The following SLC5A1 variants were observed in gnomAD, a reference collection of about 807,000 sequenced individuals.
SLC5A1 encodes sodium/glucose cotransporter 1.
In SLC5A1, 42 loss-of-function variants were observed where a neutral mutation model predicts 73.5. That is an observed-to-expected ratio of 0.57 (90% CI 0.45 to 0.74). The LOEUF (loss-of-function observed/expected upper bound fraction) is 0.74. Ranked by LOEUF, SLC5A1 falls within the 30% of genes least tolerant of loss-of-function variation. The pLI is 0.00. For missense variants in SLC5A1, 634 were observed against 855.4 expected (o/e 0.74, Z 3.23); for synonymous variants, 300 against 317.4 (o/e 0.95, Z 0.58).
rs869158260 is a variant in SLC5A1 at position 32,099,084 on chromosome 22, CAAAAAAA to C, written c.1281-83_1281-77del. ...TGGGTGACAGAGCAAGACTCTGTCT[CAAAAAAA>C]AAAAAAAAAAAAAAATATATATATA... On this transcript the variant is annotated intron_variant, in intron 11 of 14. Coordinates refer to ENST00000266088, the MANE Select transcript of SLC5A1 (RefSeq NM_000343.4). The C allele has an allele frequency of 4.9e-3, 454 of 92,196 alleles. 2 individuals carry two copies. The highest frequency in any genetic ancestry group is 8.5e-3 in the Admixed American group (41 of 4,830). 5.7% of individuals were successfully genotyped at this position (92,196 alleles called of 1,614,324 possible).
chr22:32,056,771 AAT>A (rs2093952549), intron 2 of SLC5A1, among the ~76,000 whole-genome samples: 1 of 152,086 alleles, frequency 6.6e-6, no homozygotes, highest in Non-Finnish European at 1.5e-5. Flanking sequence ...AACAAAGAAA[AAT>A]GTTTCCTGAA....
chr22:32,085,840 G>C (rs769782566), intron 9 of SLC5A1, among the ~76,000 whole-genome samples: 37 of 152,108 alleles, frequency 2.4e-4, no homozygotes, highest in Non-Finnish European at 5.0e-4. Flanking sequence ...TTGAAACCTT[G>C]TTTTAAGAAG....
intron 11 of SLC5A1, among the ~76,000 whole-genome samples, chr22:32,093,532 G>A (rs543668376): frequency 1.3e-5 from 2 of 151,264 alleles, no homozygotes; most frequent in South Asian, 2.1e-4. Context: ...CCTTGGTTAG[G>A]TATATTCCTA....
intron 2 of SLC5A1, among the ~76,000 whole-genome samples, chr22:32,054,950 C>T (rs1166442169): frequency 6.6e-6 from 1 of 152,140 alleles, no homozygotes; most frequent in Non-Finnish European, 1.5e-5. Context: ...GCTGGGATTA[C>T]AGGTGTGAGC....
intron 10 of SLC5A1, among the ~76,000 whole-genome samples, chr22:32,088,475 T>A (rs1160410947): frequency 1.3e-5 from 2 of 152,012 alleles, no homozygotes; most frequent in Non-Finnish European, 2.9e-5. Flanking sequence ...TAGCTGGGAT[T>A]ACAGGCACCT....
chr22:32,055,986 C>T (rs1035979599), intron 2 of SLC5A1, among the ~76,000 whole-genome samples: 4 of 152,160 alleles, frequency 2.6e-5, no homozygotes, highest in South Asian at 2.1e-4. Context: ...GAATCACAAA[C>T]GCTAGCAAAT....
intron 4 of SLC5A1, 86 bp from the exon 5 acceptor site, chr22:32,068,410 T>G: frequency 1.1e-6 from 1 of 893,172 alleles, no homozygotes; most frequent in Non-Finnish European, 1.9e-6. Context: ...TCTGTGGCTC[T>G]GATATTAGGA....
intron 9 of SLC5A1, among the ~76,000 whole-genome samples, chr22:32,085,731 G>C (rs1214655600): frequency 1.3e-5 from 2 of 151,978 alleles, no homozygotes; most frequent in Non-Finnish European, 1.5e-5. Context: ...GAGCTCATCA[G>C]TGTGTCAGGG....
intron 10 of SLC5A1, among the ~76,000 whole-genome samples, 164 bp downstream of exon 10, chr22:32,086,491 C>T (rs1014868956): frequency 6.6e-5 from 10 of 152,282 alleles, no homozygotes; most frequent in Middle Eastern, 3.4e-3. Context: ...GACATGTCCT[C>T]TCTCAGTGGG....
At position 32,084,563 on chromosome 22, in the gene SLC5A1, C is replaced by G; in HGVS notation, c.789C>G (p.Phe263Leu). ...EKCYTPRADS[F>L]HIFRDPLTGD... ...GCTACACTCCAAGGGCCGACTCCTT[C>G]CACATCTTCCGAGATCCCCTCACGG... is the stretch of plus-strand genomic sequence containing the variant. Residue 263 changes from phenylalanine to leucine, a missense_variant, in exon 8 of 15, where the codon TTC becomes TTG. By Grantham distance (22) the Phe-to-Leu change is conservative (BLOSUM62 0). Coordinates refer to ENST00000266088, the MANE Select transcript of SLC5A1 (RefSeq NM_000343.4). The G allele has an allele frequency of 6.2e-7, 1 of 1,614,250 alleles. No individual in the cohort carries two copies. Among genetic ancestry groups the G allele is most frequent in the Admixed American group, 1.7e-5 (1 of 60,028 alleles).
intron 11 of SLC5A1, among the ~76,000 whole-genome samples, chr22:32,097,792 C>G (rs2094028729): frequency 6.6e-6 from 1 of 152,070 alleles, no homozygotes; most frequent in Middle Eastern, 3.4e-3. Flanking sequence ...CTTTTTTTAT[C>G]GGAATTTAAA....
intron 6 of SLC5A1, among the ~76,000 whole-genome samples, chr22:32,082,582 T>C (rs2094001740): frequency 6.6e-6 from 1 of 151,932 alleles, no homozygotes; most frequent in South Asian, 2.1e-4. Context: ...GGTGCATAAA[T>C]AGCAATTGGG....
At chr22:32,053,550 A>T (rs768483115) in intron 2 of SLC5A1, among the ~76,000 whole-genome samples, 1 of 152,132 alleles carries the variant, frequency 6.6e-6, no homozygotes, top group Non-Finnish European at 1.5e-5. Context: ...GTTTCTAGGC[A>T]TCAATTGATT....
chr22:32,097,116 A>C (rs1351287491), intron 11 of SLC5A1, among the ~76,000 whole-genome samples: 1 of 152,220 alleles, frequency 6.6e-6, no homozygotes, highest in Non-Finnish European at 1.5e-5. Flanking sequence ...TGGCCCTGAG[A>C]CTATGTTGGG....
At chr22:32,060,758 C>T (rs550352410) in intron 2 of SLC5A1, among the ~76,000 whole-genome samples, 164 of 151,968 alleles carry the variant, frequency 1.1e-3, no homozygotes, top group African/African-American at 3.4e-3. Context: ...TTTGTAGAGA[C>T]GGGGTCTCGC....
intron 1 of SLC5A1, among the ~76,000 whole-genome samples, chr22:32,044,858 G>T (rs899527280): frequency 1.3e-5 from 2 of 151,990 alleles, no homozygotes; most frequent in African/African-American, 4.8e-5. Context: ...AACTACTATT[G>T]TCATTTACCT....
intron 14 of SLC5A1, among the ~76,000 whole-genome samples, chr22:32,105,769 A>C (rs534498853): frequency 6.6e-6 from 1 of 151,982 alleles, no homozygotes; most frequent in South Asian, 2.1e-4. Flanking sequence ...CCATCTTTCT[A>C]CTTTCTATGT....
At chr22:32,048,033 T>G (rs1018528924) in intron 1 of SLC5A1, among the ~76,000 whole-genome samples, 1 of 151,456 alleles carries the variant, frequency 6.6e-6, no homozygotes, top group African/African-American at 2.4e-5. Flanking sequence ...GTGCCTGTAC[T>G]CCCATCTACT....
At chr22:32,044,058 C>T (rs959161447) in intron 1 of SLC5A1, among the ~76,000 whole-genome samples, 5 of 152,138 alleles carry the variant, frequency 3.3e-5, no homozygotes, top group African/African-American at 1.2e-4. Flanking sequence ...ATGTGTGTGT[C>T]TCCTTTTGGG....
Sources: allele counts gnomAD v4.1 joint callset (sites outside exome capture counted in the v4.1 genomes callset), GRCh38; gene constraint gnomAD v4.1.1; transcripts MANE v1.5; gene names NCBI Gene and HGNC (gene_info 2026-07-23, HGNC 2026-07-21).